Variants in TANC1 observed in about 807,000 individuals in gnomAD.
TANC1 encodes tetratricopeptide repeat, ankyrin repeat and coiled-coil containing 1, also known as protein TANC1.
A neutral mutation model predicts 149.7 loss-of-function variants in TANC1; 77 were observed. The observed-to-expected ratio is 0.51, with a 90% CI of 0.43 to 0.62. The LOEUF (loss-of-function observed/expected upper bound fraction) is 0.62. Ranked by LOEUF, TANC1 falls within the 20% of genes least tolerant of loss-of-function variation. The pLI is 0.00. For missense variants in TANC1, 1,985 were observed against 2,321.8 expected, an observed-to-expected ratio of 0.85 and a Z score of 2.98; for synonymous variants, 854 against 925.0, an observed-to-expected ratio of 0.92 and a Z score of 1.39.
rs569053981 is a variant in TANC1 at position 158,969,909 on chromosome 2, ACTTGGGAGGTGAGGAGGGAACTTTCAT to A, written c.-126+1132_-126+1158del. On this transcript the variant is annotated intron_variant, in intron 1 of 26. Transcript: ENST00000263635. ...GTGGCGTTGTTCCCTGCTGGAGTTA[ACTTGGGAGGTGAGGAGGGAACTTTCAT>A]CTTGAACTTGACCCCAGAAGCAGCG... 6.5e-3 allele frequency among the ~76,000 whole-genome samples: 989 copies of A among 152,208 alleles called. 5 individuals are homozygous for A. The highest frequency in any genetic ancestry group is 0.022 in the African/African-American group (934 of 41,532).
chr2:159,017,453 T>C (rs961954841), intron 2 of TANC1, among the ~76,000 whole-genome samples: 1 of 152,208 alleles, frequency 6.6e-6, no homozygotes, highest in Non-Finnish European at 1.5e-5. Context: ...GCTAGGTGTC[T>C]TCTGCCTGAC....
intron 8 of TANC1, among the ~76,000 whole-genome samples, chr2:159,166,321 C>A (rs1053900167): frequency 3.3e-5 from 5 of 152,146 alleles, no homozygotes; most frequent in African/African-American, 9.7e-5. Flanking sequence ...CATGGACTTT[C>A]CATAGGTTAG....
chr2:159,118,874 A>G (rs772684473), intron 4 of TANC1, among the ~76,000 whole-genome samples: 2 of 152,186 alleles, frequency 1.3e-5, no homozygotes, highest in Non-Finnish European at 2.9e-5. Flanking sequence ...AAGAAGAAAC[A>G]CTTTAAACTC....
chr2:159,123,280 G>C (rs2049045513), intron 4 of TANC1, among the ~76,000 whole-genome samples: 1 of 152,140 alleles, frequency 6.6e-6, no homozygotes, highest in African/African-American at 2.4e-5. Context: ...AGGGTGGAGT[G>C]TGTATGTGCG....
At chr2:159,055,890 A>G (rs112851594) in intron 2 of TANC1, 4 of 165,846 alleles carry the variant, frequency 2.4e-5, no homozygotes, top group Admixed American at 6.4e-5. Context: ...TTATTTATTT[A>G]TTTATTTTAG....
At chr2:159,049,338 A>AGTTATCAGAGACCTAAAT (rs11275225) in intron 2 of TANC1, among the ~76,000 whole-genome samples, 105,991 of 151,962 alleles carry the variant, frequency 0.7, 37,171 homozygotes, top group Non-Finnish European at 0.74. Flanking sequence ...ATCCAAACTT[A>AGTTATCAGAGACCTAAAT]GTTCAGATTT....
chr2:159,093,505 G>A lies in TANC1; in HGVS notation c.62-4132G>A, dbSNP rs6753771. Among the ~76,000 whole-genome samples the A allele has an allele frequency of 4.6e-4, 70 of 152,196 alleles. 2 individuals carry two copies. In the South Asian group the frequency reaches 5.8e-3, roughly 13 times the overall value. On this transcript the variant is annotated intron_variant, in intron 3 of 26. Transcript: ENST00000263635. The stretch of plus-strand genomic sequence containing the variant: ...ATCGTGATGCTTTCTTTGTTTGACC[G>A]TATTCCCCTTGCCCTTGTGCAGTTA...
At chr2:159,157,540 G>A (rs944582902) in intron 7 of TANC1, among the ~76,000 whole-genome samples, 2 of 152,154 alleles carry the variant, frequency 1.3e-5, no homozygotes, top group African/African-American at 4.8e-5. Context: ...AGACTTCTGC[G>A]CGCGTTGCCT....
intron 3 of TANC1, among the ~76,000 whole-genome samples, chr2:159,090,494 C>T (rs2045409891): frequency 6.6e-6 from 1 of 152,290 alleles, no homozygotes; most frequent in Middle Eastern, 3.4e-3. Flanking sequence ...AAAACAGCCT[C>T]GCTCGGCAGG....
In TANC1 at chr2:159,229,823, C is replaced by G; in HGVS notation, c.4397C>G (p.Pro1466Arg). The change falls in exon 27 of 27, where the codon CCC becomes CGC. Residue 1466 changes from proline (P) to arginine (R), a missense_variant. Around this residue, in one of 3 missense-constraint regions of TANC1, gnomAD observed 920 missense variants for 994.7 expected, o/e 0.92. Transcript: ENST00000263635. ...GAGACTGAAGAGGAAGAAACTTCTCCCCAGGAAGAATCTGTTTCCCCAACT... is the reference window on the plus strand; with the variant it reads ...GAGACTGAAGAGGAAGAAACTTCTCGCCAGGAAGAATCTGTTTCCCCAACT... ...SEETEEEETS[P>R]QEESVSPTPR... 6.2e-7 allele frequency: 1 copy of G among 1,614,126 alleles called. No individual in the cohort carries two copies. The highest frequency in any genetic ancestry group is 8.5e-7 in the Non-Finnish European group (1 of 1,180,022).
intron 2 of TANC1, among the ~76,000 whole-genome samples, chr2:159,046,546 TG>T (rs2041056488): frequency 7.3e-6 from 1 of 136,680 alleles, no homozygotes; most frequent in Admixed American, 7.3e-5. Flanking sequence ...TCATCAAAGC[TG>T]TCTCTTCTGG....
intron 8 of TANC1, among the ~76,000 whole-genome samples, chr2:159,166,434 A>T (rs570769371): frequency 1.3e-5 from 2 of 152,262 alleles, no homozygotes; most frequent in East Asian, 1.9e-4. Context: ...TTTCCTCCAC[A>T]TCTTGAAATG....
chr2:159,172,399 T>C (rs1405788452), intron 11 of TANC1, 127 bp downstream of exon 11: 3 of 850,286 alleles, frequency 3.5e-6, no homozygotes, highest in African/African-American at 1.7e-5. Flanking sequence ...TAGCTTTTAA[T>C]GAAATAGTGA....
chr2:159,217,198 C>T (rs2059402134), intron 19 of TANC1, among the ~76,000 whole-genome samples: 1 of 152,216 alleles, frequency 6.6e-6, no homozygotes, highest in South Asian at 2.1e-4. Flanking sequence ...CAGTTCTTCT[C>T]TCTGTGGGTC....
In TANC1 at chr2:159,117,701, CTTTTTTTTTTTTTT is replaced by C. The variant is rs59509568; in HGVS notation, c.260-18476_260-18463del. Among the ~76,000 whole-genome samples the C allele has an allele frequency of 8.2e-4, 93 of 113,262 alleles. 1 individual carries two copies. Among genetic ancestry groups the C allele is most frequent in the Non-Finnish European group, 8.6e-4 (52 of 60,498 alleles). The allele number at this position is 113,262 out of a possible 152,430, so 74.3% of individuals were successfully genotyped here. ...GTGAGCCACCGTGCCCGGCCTATTC[CTTTTTTTTTTTTTT>C]TTTTTTTTTTTTTTTTAAAGCTTAT... is the stretch of plus-strand genomic sequence containing the variant. On this transcript the variant is annotated intron_variant, in intron 4 of 26. Transcript: ENST00000263635.
At chr2:159,102,712 CTTTT>C (rs755803794) in intron 4 of TANC1, among the ~76,000 whole-genome samples, 282 of 26,420 alleles carry the variant, frequency 0.011, 1 homozygote, top group Non-Finnish European at 0.016. Flanking sequence ...TGGATATTTG[CTTTT>C]TTTTTTTTTT....
At chr2:159,158,663 G>A (rs574120118) in intron 7 of TANC1, among the ~76,000 whole-genome samples, 98 of 152,200 alleles carry the variant, frequency 6.4e-4, no homozygotes, top group Non-Finnish European at 1.0e-3. Context: ...ATGAAATAGG[G>A]CAAGAGAAAA....
chr2:159,201,765 C>T lies in TANC1; in HGVS notation c.3244+2712C>T, dbSNP rs575138781. 1.5e-3 allele frequency among the ~76,000 whole-genome samples: 226 copies of T among 152,266 alleles called. 5 individuals are homozygous for T. The South Asian group carries it at 0.045, about 30-fold the overall frequency. ...AACAGTTCATTATTTATTTTGAAAC[C>T]TTAAGTATGTTTACACAAGTCTGTC... is the stretch of plus-strand genomic sequence containing the variant. On this transcript the variant is annotated intron_variant, in intron 19 of 26. Coordinates refer to ENST00000263635, the MANE Select transcript of TANC1 (RefSeq NM_033394.3).
At chr2:159,182,092 C>T (rs1435291799) in intron 14 of TANC1, among the ~76,000 whole-genome samples, 1 of 151,864 alleles carries the variant, frequency 6.6e-6, no homozygotes. Context: ...ACCTGTAATC[C>T]CAGCTGCTTG....
Sources: allele counts gnomAD v4.1 joint callset (sites outside exome capture counted in the v4.1 genomes callset), GRCh38; gene constraint gnomAD v4.1.1; regional missense constraint gnomAD v4.1.1; transcripts MANE v1.5; gene names NCBI Gene and HGNC (gene_info 2026-07-23, HGNC 2026-07-21).